Variants in MYH15 observed in about 807,000 individuals in gnomAD.
The protein encoded by MYH15 is myosin heavy chain 15.
In MYH15, 227 loss-of-function variants were observed where a neutral mutation model predicts 240.5. The observed-to-expected ratio is 0.94, with a 90% CI of 0.85 to 1.05. The LOEUF (loss-of-function observed/expected upper bound fraction) is 1.05, where lower values mean the gene tolerates loss of function less well. Ranked by LOEUF, MYH15 falls within the 50% of genes least tolerant of loss-of-function variation. MYH15 has a pLI of 0.00. For missense variants in MYH15, 2,217 were observed against 2,247.5 expected (o/e 0.99, Z 0.27); for synonymous variants, 785 against 796.7 (o/e 0.99, Z 0.25).
At chr3:108,529,374 G>A (rs767100587), upstream of MYH15, 6 of 868,986 alleles carry the variant, frequency 6.9e-6, no homozygotes, top group Non-Finnish European at 1.1e-5. Flanking sequence ...GCAACATTAT[G>A]TTGACAGCAT....
intron 33 of MYH15, among the ~76,000 whole-genome samples, chr3:108,399,653 G>T (rs6786473): frequency 6.6e-6 from 1 of 151,942 alleles, no homozygotes; most frequent in East Asian, 1.9e-4. Flanking sequence ...TCAGACAGCC[G>T]TAATATTTCA....
In MYH15 at chr3:108,500,194, G is replaced by T; in HGVS notation, c.420C>A (p.Tyr140Ter). The T allele has an allele frequency of 6.2e-7, 1 of 1,614,098 alleles. No homozygotes were observed. Among genetic ancestry groups the T allele is most frequent in the Non-Finnish European group, 8.5e-7 (1 of 1,179,958 alleles). ...PVYQKEVMAA[Y>*]KGKRRSEAPP... is the part of the protein sequence containing the mutation. ...GAGCCTCTGATCGCCTCTTCCCTTT[G>T]TAGGCGGCCATGACTTCTTTCTGAT... The change falls in exon 4 of 41, where the codon TAC (tyrosine) becomes TAA (stop). Residue 140 changes from tyrosine (Y) to a stop codon, truncating the protein, a stop_gained. Coordinates refer to ENST00000693548, the MANE Select transcript of MYH15 (RefSeq NM_014981.3). LOFTEE classifies it high-confidence loss of function.
At chr3:108,479,438 C>T (rs66823766) in intron 11 of MYH15, among the ~76,000 whole-genome samples, 35,638 of 152,112 alleles carry the variant, frequency 0.23, 4,804 homozygotes, top group Non-Finnish European at 0.3. Flanking sequence ...CTAGTTTTAT[C>T]GTGTTACCCA....
chr3:108,430,099 T>C (rs535693659), intron 26 of MYH15, among the ~76,000 whole-genome samples: 16 of 152,284 alleles, frequency 1.1e-4, no homozygotes, highest in African/African-American at 1.4e-4. Flanking sequence ...TGGAGATTAA[T>C]AGTGTGTCTG....
Position 108,463,239 on chromosome 3 carries a change from G to A in MYH15, c.1736C>T (p.Pro579Leu), listed in dbSNP as rs1391896335. ...TTCCAGCCAACCACTGATATTATAA[G>A]GTACCTTTGGAAAGGCATGCATTTC... is the stretch of plus-strand genomic sequence containing the variant. Reference protein sequence around the residue: ...FELVHYAGVVPYNISGWLEKN... With the variant: ...FELVHYAGVVLYNISGWLEKN... Residue 579 changes from proline (P) to leucine (L), a missense_variant, in exon 16 of 41, where the codon CCT becomes CTT. Transcript: ENST00000693548. 5 of 1,602,844 alleles carry A rather than the reference G, an allele frequency of 3.1e-6. No individual in the cohort carries two copies. The South Asian group carries it at 5.7e-5, about 18-fold the overall frequency.
chr3:108,440,986 G>A (rs1230682871), intron 23 of MYH15, 32 bp downstream of exon 23: 1 of 1,611,308 alleles, frequency 6.2e-7, no homozygotes, highest in Admixed American at 1.7e-5. Context: ...CTGGCTGCTA[G>A]GCCTTCTTAA....
chr3:108,389,219 TGGGAAAACTCTCTCGCCAAAAGTAAG>T, intron 37 of MYH15, 145 bp from the exon 38 acceptor site: 1 of 609,022 alleles, frequency 1.6e-6, no homozygotes, highest in Non-Finnish European at 2.8e-6. Context: ...ACAGTGTCTC[TGGGAAAACTCTCTCGCCAAAAGTAAG>T]ATCTTTTATG....
intron 7 of MYH15, among the ~76,000 whole-genome samples, chr3:108,493,933 C>A (rs1165630257): frequency 1.3e-5 from 2 of 152,198 alleles, no homozygotes; most frequent in African/African-American, 2.4e-5. Flanking sequence ...GACGGGCACC[C>A]TTTCTTCCTT....
At chr3:108,534,309 C>G (rs1216997562), upstream of MYH15, among the ~76,000 whole-genome samples, 1 of 152,058 alleles carries the variant, frequency 6.6e-6, no homozygotes, top group Non-Finnish European at 1.5e-5. Context: ...AAAATTAGAC[C>G]AGCCTATTTG....
At chr3:108,409,926 T>C (rs2082575188) in intron 31 of MYH15, among the ~76,000 whole-genome samples, 1 of 152,190 alleles carries the variant, frequency 6.6e-6, no homozygotes, top group African/African-American at 2.4e-5. Context: ...ATGTAGCTAT[T>C]AAAAAGCTTA....
intron 11 of MYH15, among the ~76,000 whole-genome samples, chr3:108,477,650 C>T (rs2083231703): frequency 6.6e-6 from 1 of 152,100 alleles, no homozygotes; most frequent in African/African-American, 2.4e-5. Context: ...TAATTATAGA[C>T]AAGCACCAAT....
intron 28 of MYH15, 150 bp downstream of exon 28, chr3:108,420,938 T>TGTGGCAAAGCTGTCTCA (rs2082677445): frequency 9.3e-7 from 1 of 1,076,076 alleles, no homozygotes; most frequent in Non-Finnish European, 1.3e-6. Flanking sequence ...GAGGCATGTG[T>TGTGGCAAAGCTGTCTCA]GTGGCAAAGC....
At chr3:108,393,735 T>C (rs1231602174) in intron 36 of MYH15, among the ~76,000 whole-genome samples, 6 of 152,240 alleles carry the variant, frequency 3.9e-5, no homozygotes, top group African/African-American at 1.4e-4. Flanking sequence ...ACTAGATGTA[T>C]TGATTCACAA....
At chr3:108,392,950 C>T (rs965285411) in intron 36 of MYH15, among the ~76,000 whole-genome samples, 2 of 152,154 alleles carry the variant, frequency 1.3e-5, no homozygotes, top group African/African-American at 4.8e-5. Context: ...TCAGAATATC[C>T]GCCTTGATAC....
chr3:108,444,696 C>T lies in MYH15; in HGVS notation c.2599G>A (p.Ala867Thr), dbSNP rs2082912570. Residue 867 changes from alanine (A) to threonine (T), a missense_variant, in exon 22 of 41, where the codon GCA becomes ACA. Physicochemically the swap from Ala to Thr is moderately conservative, Grantham distance 58 (BLOSUM62 0). Transcript: ENST00000693548. ...TCCTGAGTGAGGGATACTTGCTTTG[C>T]TTTCAGTTCCTCCCTCTGAAACTCT... Reference protein sequence around the residue: ...KSEFQREELKAKQVSLTQEKN... With the variant: ...KSEFQREELKTKQVSLTQEKN... 1.2e-6 allele frequency: 2 copies of T among 1,614,014 alleles called. No homozygotes were observed. The highest frequency in any genetic ancestry group is 1.7e-6 in the Non-Finnish European group (2 of 1,179,950).
At chr3:108,547,062 G>A in the MYH15 span, among the ~76,000 whole-genome samples, 1 of 151,670 alleles carries the variant, frequency 6.6e-6, no homozygotes, top group Non-Finnish European at 1.5e-5. Flanking sequence ...TGAAACATCT[G>A]CCTTTAAAAA....
chr3:108,442,937 C>T (rs1400587454), intron 22 of MYH15, among the ~76,000 whole-genome samples: 1 of 151,920 alleles, frequency 6.6e-6, no homozygotes, highest in Non-Finnish European at 1.5e-5. Flanking sequence ...AGTTTGCTTC[C>T]ATGTGTTTCC....
At chr3:108,542,880 CCTTT>C in the MYH15 span, among the ~76,000 whole-genome samples, 1 of 136,054 alleles carries the variant, frequency 7.4e-6, no homozygotes, top group African/African-American at 2.8e-5. Flanking sequence ...TGATCTCGTT[CCTTT>C]TTTTTTTTTT....
At chr3:108,401,985 A>C (rs2082509175) in intron 33 of MYH15, among the ~76,000 whole-genome samples, 1 of 152,232 alleles carries the variant, frequency 6.6e-6, no homozygotes, top group Non-Finnish European at 1.5e-5. Flanking sequence ...AACAAATGCA[A>C]AGAAAAATCA....
Sources: allele counts gnomAD v4.1 joint callset (sites outside exome capture counted in the v4.1 genomes callset), GRCh38; gene constraint gnomAD v4.1.1; transcripts MANE v1.5; gene names NCBI Gene and HGNC (gene_info 2026-07-23, HGNC 2026-07-21).